The following EYS variants were observed in gnomAD, a reference collection of about 807,000 sequenced individuals.
EYS encodes the protein EGF-like photoreceptor maintenance factor.
Under a neutral mutation model 282.1 loss-of-function variants are expected in EYS, and 250 were observed. That is an observed-to-expected ratio of 0.89 (90% confidence interval 0.80 to 0.98). The LOEUF is 0.98. Among genes scored for constraint, EYS ranks in the 50% least tolerant of loss-of-function variants. The probability of loss-of-function intolerance (pLI) is 0.00; values close to 1 mark genes in which losing one functional copy is unlikely to be tolerated. For missense variants in EYS, 4,016 were observed against 3,709.0 expected (o/e 1.08, Z -2.15); for synonymous variants, 1,355 against 1,282.9 (o/e 1.06, Z -1.20).
intron 33 of EYS, among the ~76,000 whole-genome samples, chr6:64,050,840 CAACTT>C (rs1311552183): frequency 2.6e-5 from 4 of 152,194 alleles, no homozygotes; most frequent in African/African-American, 9.7e-5. Flanking sequence ...TATGACTAAG[CAACTT>C]AAATAATTTA....
chr6:65,115,962 A>G (rs548347914), intron 12 of EYS, among the ~76,000 whole-genome samples: 4 of 92,858 alleles, frequency 4.3e-5, no homozygotes, highest in South Asian at 2.7e-4. Flanking sequence ...CTGTCTGTCT[A>G]TCTAATCTAT....
intron 30 of EYS, among the ~76,000 whole-genome samples, chr6:64,259,013 G>A (rs1473808312): frequency 1.3e-5 from 2 of 152,076 alleles, no homozygotes; most frequent in Non-Finnish European, 2.9e-5. Context: ...CTTGCCTTCT[G>A]AGAACAGAGG....
intron 31 of EYS, among the ~76,000 whole-genome samples, chr6:64,123,465 G>T (rs189233466): frequency 6.6e-6 from 1 of 152,098 alleles, no homozygotes; most frequent in Non-Finnish European, 1.5e-5. Flanking sequence ...GTAAATGAAC[G>T]CCGGAAAATA....
chr6:64,679,988 C>G (rs1693892713), intron 22 of EYS, among the ~76,000 whole-genome samples: 1 of 151,864 alleles, frequency 6.6e-6, no homozygotes, highest in African/African-American at 2.4e-5. Flanking sequence ...CAAATTTTTA[C>G]ATAGGGAAAA....
At chr6:65,101,457 C>T (rs1025012411) in intron 12 of EYS, among the ~76,000 whole-genome samples, 9 of 151,138 alleles carry the variant, frequency 6.0e-5, no homozygotes, top group Middle Eastern at 3.4e-3. Context: ...GGCCATATGA[C>T]GTATTATTTG....
rs777359624 is a variant in EYS, at chr6:63,839,938, G to A, written c.7228+24248C>T. ...TAAGATGATATCTCATTGTGGTTTTGGTTTGCATTTCCTTGCTGATAAATG... is the reference window on the plus strand; with the variant it reads ...TAAGATGATATCTCATTGTGGTTTTAGTTTGCATTTCCTTGCTGATAAATG... On this transcript the variant is annotated intron_variant, in intron 36 of 42. Transcript: ENST00000503581. 5.7e-4 allele frequency among the ~76,000 whole-genome samples: 87 copies of A among 151,608 alleles called. 1 individual carries two copies. Among genetic ancestry groups the A allele is most frequent in the Non-Finnish European group, 8.8e-5 (6 of 67,904 alleles).
intron 36 of EYS, among the ~76,000 whole-genome samples, chr6:63,834,291 A>G (rs1463025600): frequency 6.6e-6 from 1 of 152,222 alleles, no homozygotes; most frequent in Non-Finnish European, 1.5e-5. Context: ...GAATGGGAGA[A>G]AATTTTTACA....
chr6:64,474,361 C>G (rs1443774187), intron 26 of EYS, among the ~76,000 whole-genome samples: 3 of 152,084 alleles, frequency 2.0e-5, no homozygotes, highest in African/African-American at 7.2e-5. Context: ...TTTCCCTGTT[C>G]TAGAAACAGG....
At chr6:65,498,772 T>C (rs1766344649) in intron 2 of EYS, among the ~76,000 whole-genome samples, 3 of 151,970 alleles carry the variant, frequency 2.0e-5, no homozygotes, top group Admixed American at 2.0e-4. Flanking sequence ...CATTATAAAT[T>C]TGAAAAAGGT....
At chr6:65,186,427 G>A (rs1405971970) in intron 12 of EYS, among the ~76,000 whole-genome samples, 1 of 151,652 alleles carries the variant, frequency 6.6e-6, no homozygotes, top group Non-Finnish European at 1.5e-5. Context: ...ATGATAGAGT[G>A]TGTCTGAGTC....
At chr6:64,762,975 A>T (rs2149979882) in intron 22 of EYS, among the ~76,000 whole-genome samples, 1 of 152,316 alleles carries the variant, frequency 6.6e-6, no homozygotes, top group East Asian at 1.9e-4. Flanking sequence ...GTATATTAAT[A>T]AAGTTATTGA....
intron 41 of EYS, among the ~76,000 whole-genome samples, chr6:63,748,358 GC>G (rs1416617874): frequency 2.6e-5 from 4 of 152,200 alleles, no homozygotes; most frequent in Non-Finnish European, 4.4e-5. Context: ...TGGTGGACAA[GC>G]TTTTTGATGT....
intron 35 of EYS, among the ~76,000 whole-genome samples, chr6:63,947,970 G>A (rs116501900): frequency 5.5e-4 from 83 of 152,214 alleles, no homozygotes; most frequent in South Asian, 2.5e-3. Context: ...AAGTGCTTTC[G>A]TTGCTCACAT....
At chr6:64,125,742 C>T (rs1773760261) in intron 31 of EYS, among the ~76,000 whole-genome samples, 1 of 143,888 alleles carries the variant, frequency 6.9e-6, no homozygotes, top group South Asian at 2.2e-4. Flanking sequence ...GAGGAGATCG[C>T]ACCACTGCAC....
At position 65,645,706 on chromosome 6, in the gene EYS, CA is replaced by C. The variant is rs71268356; in HGVS notation, c.-447-5815del. ...AGATCAGAACTAAATGAAACTGAAACAAAAAAACTACAAAAGATAATGAAAC... is the reference window on the plus strand; with the variant it reads ...AGATCAGAACTAAATGAAACTGAAACAAAAAACTACAAAAGATAATGAAAC... On this transcript the variant is annotated intron_variant, in intron 1 of 42. Transcript: ENST00000503581. Among the ~76,000 whole-genome samples the C allele has an allele frequency of 3.4e-3, 513 of 151,126 alleles. 2 individuals carry two copies. Among genetic ancestry groups the C allele is most frequent in the African/African-American group, 0.011 (473 of 41,220 alleles).
intron 41 of EYS, among the ~76,000 whole-genome samples, chr6:63,733,724 C>T (rs1181363853): frequency 1.3e-5 from 2 of 152,132 alleles, no homozygotes; most frequent in Non-Finnish European, 2.9e-5. Context: ...AACCTCAGTT[C>T]TCTCACGGAC....
At chr6:64,458,299 G>C (rs1229154080) in intron 26 of EYS, among the ~76,000 whole-genome samples, 6 of 151,818 alleles carry the variant, frequency 4.0e-5, no homozygotes, top group Admixed American at 6.6e-5. Context: ...TTTTTGTGTT[G>C]CTTAGTACCT....
In EYS at chr6:64,251,139, A is replaced by C. The variant is rs555743819; in HGVS notation, c.6192-20315T>G. 7.9e-5 allele frequency among the ~76,000 whole-genome samples: 12 copies of C among 152,320 alleles called. No homozygotes were observed. In the East Asian group the frequency reaches 2.1e-3, roughly 27 times the overall value. On this transcript the variant is annotated intron_variant, in intron 30 of 42. Coordinates refer to ENST00000503581, the MANE Select transcript of EYS (RefSeq NM_001142800.2). Reference sequence around the variant, plus strand: ...TGTGAAAAGCTGGGTAATTGGCTTTAACCAGCAGTATCCTCAGGACAATAG... The same window carrying C: ...TGTGAAAAGCTGGGTAATTGGCTTTCACCAGCAGTATCCTCAGGACAATAG...
Position 64,201,354 on chromosome 6 carries a change from G to A in EYS, c.6424+29238C>T, listed in dbSNP as rs372370086. Among the ~76,000 whole-genome samples, 15 of 152,182 alleles carry A rather than the reference G, an allele frequency of 9.9e-5. 1 individual carries two copies. The highest frequency in any genetic ancestry group is 3.6e-4 in the African/African-American group (15 of 41,544). On this transcript the variant is annotated intron_variant, in intron 31 of 42. Transcript: ENST00000503581. ...CTTTTCTACTTCAAATGAATCATAT[G>A]TGGGGCAAAATAGTGAGCTATTATT...
Sources: gnomAD v4.1 joint callset for allele counts (sites outside exome capture counted in the v4.1 genomes callset) on GRCh38, gnomAD v4.1.1 for gene constraint, MANE v1.5 for transcripts, NCBI Gene and HGNC (gene_info 2026-07-23, HGNC 2026-07-21) for gene names.